The following SLC25A42 variants were observed in gnomAD, a reference collection of about 807,000 sequenced individuals.
The protein encoded by SLC25A42 is mitochondrial coenzyme A transporter SLC25A42.
SLC25A42 carries 19 observed loss-of-function variants against 34.7 expected under a neutral mutation model. That is an observed-to-expected ratio of 0.55 (90% CI 0.38 to 0.80). The LOEUF (loss-of-function observed/expected upper bound fraction) is 0.80. Among genes scored for constraint, SLC25A42 ranks in the 30% least tolerant of loss-of-function variants. The pLI is 0.00. For synonymous variants in SLC25A42, 205 were observed against 191.2 expected, an observed-to-expected ratio of 1.07 and a Z score of -0.59; for missense variants, 364 against 441.3, an observed-to-expected ratio of 0.82 and a Z score of 1.57.
rs1410445718 is a variant in SLC25A42 at position 19,112,827 on chromosome 19, G to A, written c.*1951G>A. On this transcript the variant is annotated 3_prime_UTR_variant, in exon 8 of 8. Transcript: ENST00000318596. The surrounding 1 kb of genome is among the most constrained non-coding windows in gnomAD (Gnocchi z 4.3). ...CATGAAGACACTGTTTATATCTAAT[G>A]TTTATATATTTTAAAGATTTGTGCC... 2 of 152,576 alleles carry A rather than the reference G, an allele frequency of 1.3e-5. No homozygotes were observed. The highest frequency in any genetic ancestry group is 2.4e-5 in the African/African-American group (1 of 41,410). The allele number at this position is 152,576 out of a possible 1,614,324, so 9.5% of individuals were successfully genotyped here. A position where few individuals can be genotyped will look rare whatever the true frequency, so the allele number is the denominator to read the frequency against.
At chr19:19,067,034 A>C (rs929254303) in intron 1 of SLC25A42, among the ~76,000 whole-genome samples, 1 of 151,370 alleles carries the variant, frequency 6.6e-6, no homozygotes, top group Non-Finnish European at 1.5e-5. Context: ...AAAAAAAAAA[A>C]AAAAAGGGCC....
intron 1 of SLC25A42, among the ~76,000 whole-genome samples, chr19:19,090,903 G>A (rs1452078351): frequency 6.6e-6 from 1 of 152,190 alleles, no homozygotes; most frequent in African/African-American, 2.4e-5. Flanking sequence ...ATTATGTCCC[G>A]AACCCCATCC....
chr19:19,102,305 G>A (rs905332400), intron 3 of SLC25A42, among the ~76,000 whole-genome samples: 11 of 149,714 alleles, frequency 7.3e-5, no homozygotes, highest in African/African-American at 2.7e-4. Context: ...CACCGCCCCC[G>A]GCCAGAAATG....
intron 1 of SLC25A42, among the ~76,000 whole-genome samples, chr19:19,071,376 C>T (rs2059629273): frequency 6.6e-6 from 1 of 152,106 alleles, no homozygotes; most frequent in Non-Finnish European, 1.5e-5. Context: ...CCTGTTGATA[C>T]CTGGTCTCAG....
chr19:19,106,510 C>T, intron 6 of SLC25A42, 125 bp downstream of exon 6: 1 of 684,998 alleles, frequency 1.5e-6, no homozygotes, highest in South Asian at 2.0e-5. Flanking sequence ...GTCCACAGGG[C>T]AGGCCTGATG....
Position 19,105,621 on chromosome 19 carries a change from G to A in SLC25A42, c.274G>A (p.Gly92Arg). 1.2e-6 allele frequency: 2 copies of A among 1,613,906 alleles called. No individual in the cohort carries two copies. The highest frequency in any genetic ancestry group is 1.3e-5 in the African/African-American group (1 of 75,036). Reference sequence around the variant, plus strand: ...CGAGGGATTTCTCAGCTTGTGGCGCGGGAACTCGGCCACCATGGTGCGCGT... The same window carrying A: ...CGAGGGATTTCTCAGCTTGTGGCGCAGGAACTCGGCCACCATGGTGCGCGT... Reference protein sequence around the residue: ...LNEGFLSLWRGNSATMVRVVP... With the variant: ...LNEGFLSLWRRNSATMVRVVP... Residue 92 changes from glycine to arginine, a missense_variant, in exon 5 of 8, where the codon GGG becomes AGG. Gly to Arg is a moderately radical substitution (Grantham distance 125). Transcript: ENST00000318596.
At chr19:19,106,461 T>A (rs1056201687) in intron 6 of SLC25A42, 76 bp downstream of exon 6, 19 of 1,242,704 alleles carry the variant, frequency 1.5e-5, no homozygotes, top group Middle Eastern at 2.0e-4. Flanking sequence ...GGAATCCCTC[T>A]CTCTATCGGG....
At chr19:19,095,914 A>G (rs1235785059) in intron 1 of SLC25A42, 177 bp from the exon 2 acceptor site, 5 of 671,496 alleles carry the variant, frequency 7.4e-6, no homozygotes, top group Non-Finnish European at 1.4e-5. Flanking sequence ...TCCAGTACCA[A>G]CAAGAAAGGC....
At chr19:19,106,455 TC>T in intron 6 of SLC25A42, 70 bp downstream of exon 6, 1 of 1,319,594 alleles carries the variant, frequency 7.6e-7, no homozygotes, top group Non-Finnish European at 1.1e-6. Context: ...CAGGTCGGAA[TC>T]CCTCTCTCTA....
At position 19,111,142 on chromosome 19, in the gene SLC25A42, G is replaced by A. The variant is rs1599695751; in HGVS notation, c.*266G>A. The A allele has an allele frequency of 1.9e-5, 10 of 530,530 alleles. 1 individual carries two copies. In the East Asian group the frequency reaches 2.4e-4, roughly 13 times the overall value. The allele number at this position is 530,530 out of a possible 1,614,324, so 32.9% of individuals were successfully genotyped here. ...TCTGCAGACGCTGGCGCTGTCTGCC[G>A]GAGGTGTTGCCCAAAAGGCCCTAGT... is the stretch of plus-strand genomic sequence containing the variant. On this transcript the variant is annotated 3_prime_UTR_variant, in exon 8 of 8. Coordinates refer to ENST00000318596, the MANE Select transcript of SLC25A42 (RefSeq NM_178526.5).
rs569955934 is a variant in SLC25A42, at chr19:19,101,539, A to ACACCT, written c.82-235_82-231dup. Among the ~76,000 whole-genome samples, 6 of 152,256 alleles carry ACACCT rather than the reference A, an allele frequency of 3.9e-5. No homozygotes were observed. The East Asian group carries it at 1.2e-3, about 29-fold the overall frequency. On this transcript the variant is annotated intron_variant, in intron 2 of 7. Transcript: ENST00000318596. ...CTGTCTCTGAGAATGTGAAACCTGCACACCTCACCTCCAAAGTGGATGGTA... is the reference window on the plus strand; with the variant it reads ...CTGTCTCTGAGAATGTGAAACCTGCACACCTCACCTCACCTCCAAAGTGGATGGTA...
chr19:19,093,295 T>C (rs1356059495), intron 1 of SLC25A42, among the ~76,000 whole-genome samples: 1 of 152,084 alleles, frequency 6.6e-6, no homozygotes, highest in African/African-American at 2.4e-5. Context: ...GGATTCCAGG[T>C]GCGTGCCACC....
chr19:19,095,817 C>T (rs968754531), intron 1 of SLC25A42: 5 of 457,758 alleles, frequency 1.1e-5, no homozygotes, highest in African/African-American at 7.9e-5. Context: ...GCTGTGTGAC[C>T]TTGGCTGGCT....
chr19:19,097,317 G>A (rs889871745), intron 2 of SLC25A42, among the ~76,000 whole-genome samples: 1 of 152,186 alleles, frequency 6.6e-6, no homozygotes, highest in African/African-American at 2.4e-5. Flanking sequence ...GCGGGCGGGA[G>A]GACTCATTCA....
chr19:19,107,240 C>T (rs751464831), intron 6 of SLC25A42, among the ~76,000 whole-genome samples: 3 of 150,694 alleles, frequency 2.0e-5, no homozygotes, highest in Non-Finnish European at 4.4e-5. Flanking sequence ...TTGCTTGAGT[C>T]TCGCAGCTTG....
At chr19:19,087,091 G>T (rs187895526) in intron 1 of SLC25A42, among the ~76,000 whole-genome samples, 137 of 152,082 alleles carry the variant, frequency 9.0e-4, no homozygotes, top group Middle Eastern at 3.4e-3. Context: ...CTGTAACTCT[G>T]TTCCATTTGA....
At chr19:19,086,873 A>C (rs2145909120) in intron 1 of SLC25A42, among the ~76,000 whole-genome samples, 1 of 152,196 alleles carries the variant, frequency 6.6e-6, no homozygotes, top group Non-Finnish European at 1.5e-5. Flanking sequence ...TGATGTTCTG[A>C]TATATTTACT....
intron 1 of SLC25A42, among the ~76,000 whole-genome samples, chr19:19,095,406 G>A (rs886911087): frequency 3.9e-5 from 6 of 152,094 alleles, no homozygotes; most frequent in Non-Finnish European, 7.4e-5. Flanking sequence ...CTGAGGTCAG[G>A]AGTTCGAGAC....
intron 1 of SLC25A42, among the ~76,000 whole-genome samples, chr19:19,078,912 C>G (rs758129482): frequency 4.6e-5 from 7 of 151,824 alleles, no homozygotes; most frequent in African/African-American, 1.7e-4. Context: ...AGTGCAGTGG[C>G]GCGCTCTTGG....
Sources: allele counts gnomAD v4.1 joint callset (sites outside exome capture counted in the v4.1 genomes callset), GRCh38; gene constraint gnomAD v4.1.1; non-coding constraint Gnocchi (gnomAD v3.1); transcripts MANE v1.5; gene names NCBI Gene and HGNC (gene_info 2026-07-23, HGNC 2026-07-21).